Variants in PLEKHD1 observed in about 807,000 individuals in gnomAD.
PLEKHD1 encodes the protein pleckstrin homology and coiled-coil domain containing D1, also known as pleckstrin homology domain-containing family D member 1.
A neutral mutation model predicts 69.2 loss-of-function variants in PLEKHD1; 51 were observed. The ratio of observed to expected loss-of-function variants is 0.74; its 90% CI spans 0.59 to 0.93. The LOEUF (loss-of-function observed/expected upper bound fraction) is 0.93. PLEKHD1 is among the 40% of genes least tolerant of loss of function. The pLI is 0.00. For missense variants in PLEKHD1, 584 were observed against 641.0 expected (o/e 0.91, Z 0.96); for synonymous variants, 236 against 244.7 (o/e 0.96, Z 0.33).
chr14:69,524,410 A>G (rs1317793288), intron 8 of PLEKHD1, 88 bp downstream of exon 8: 2 of 1,143,800 alleles, frequency 1.7e-6, no homozygotes, highest in African/African-American at 3.1e-5. Flanking sequence ...GTGTTTCCCC[A>G]GGGGGTGATC....
At chr14:69,485,353 T>G (rs898675447) in intron 1 of PLEKHD1, among the ~76,000 whole-genome samples, 4 of 152,156 alleles carry the variant, frequency 2.6e-5, no homozygotes, top group African/African-American at 9.7e-5. Flanking sequence ...AACCTGACCC[T>G]CGAGTGGGAA....
chr14:69,515,825 A>G, intron 6 of PLEKHD1, among the ~76,000 whole-genome samples: 1 of 152,126 alleles, frequency 6.6e-6, no homozygotes, highest in Admixed American at 6.5e-5. Flanking sequence ...TAATCTAACT[A>G]CCTTCCACCA....
At chr14:69,471,632 C>G in the PLEKHD1 span, among the ~76,000 whole-genome samples, 10 of 152,250 alleles carry the variant, frequency 6.6e-5, no homozygotes, top group African/African-American at 2.4e-4. Context: ...CTGGGCATCG[C>G]AGGGGCTGGC....
the PLEKHD1 span, among the ~76,000 whole-genome samples, chr14:69,474,112 A>G: frequency 0.17 from 25,875 of 152,218 alleles, 2,369 homozygotes; most frequent in South Asian, 0.24. Context: ...AAATAAAGGA[A>G]AATCTGAGTT....
chr14:69,480,750 TC>T (rs1321077431), upstream of PLEKHD1, among the ~76,000 whole-genome samples: 1 of 152,110 alleles, frequency 6.6e-6, no homozygotes, highest in East Asian at 1.9e-4. Context: ...CCTCCCAGGC[TC>T]AAGCAAGTCA....
Position 69,524,179 on chromosome 14 carries a change from G to C in PLEKHD1, c.651-50G>C, listed in dbSNP as rs565738579. 6.8e-5 allele frequency: 94 copies of C among 1,391,428 alleles called. No homozygotes were observed. In the African/African-American group the frequency reaches 9.2e-4, roughly 14 times the overall value. The allele number at this position is 1,391,428 out of a possible 1,614,324, so 86.2% of individuals were successfully genotyped here. ...ATTTCTAAGTGCAGAGGTGATTGGT[G>C]GGGGGTGGGGAGAGTGGGCACTGCC... On this transcript the variant is annotated intron_variant, in intron 7 of 12. Transcript: ENST00000322564.
At chr14:69,506,002 A>G (rs1566560203) in intron 6 of PLEKHD1, among the ~76,000 whole-genome samples, 1 of 152,194 alleles carries the variant, frequency 6.6e-6, no homozygotes, top group South Asian at 2.1e-4. Context: ...AAAATCAGAA[A>G]TGCCCAGGGT....
At chr14:69,473,273 C>T in the PLEKHD1 span, among the ~76,000 whole-genome samples, 1 of 152,148 alleles carries the variant, frequency 6.6e-6, no homozygotes. Context: ...CACTGCTCTA[C>T]AGTGTCCAAA....
upstream of PLEKHD1, among the ~76,000 whole-genome samples, chr14:69,481,862 G>A (rs114950052): frequency 1.9e-3 from 290 of 152,278 alleles, no homozygotes; most frequent in African/African-American, 6.5e-3. Flanking sequence ...AAGATTGGGC[G>A]GCCCTGACCC....
chr14:69,489,574 A>AAG (rs1380810999), intron 1 of PLEKHD1, among the ~76,000 whole-genome samples: 1 of 150,368 alleles, frequency 6.7e-6, no homozygotes, highest in Non-Finnish European at 1.5e-5. Context: ...AAAAAAAAAA[A>AAG]AAAAAAAGGA....
intron 1 of PLEKHD1, among the ~76,000 whole-genome samples, chr14:69,486,844 G>T (rs1403405646): frequency 6.6e-6 from 1 of 152,154 alleles, no homozygotes; most frequent in Admixed American, 6.5e-5. Context: ...GGAGTACAGG[G>T]CATAGGCCCC....
chr14:69,474,050 G>A, the PLEKHD1 span, among the ~76,000 whole-genome samples: 9 of 103,966 alleles, frequency 8.7e-5, no homozygotes, highest in Non-Finnish European at 1.2e-4. Context: ...TGAGAGGAGC[G>A]GGGACTCCTC....
chr14:69,484,948 C>T lies in PLEKHD1; in HGVS notation c.-18C>T, dbSNP rs779272883. ...GGGGAGGTGGGGTCCGGGCCGGGCA[C>T]AGCCCCGCTGAGGCAGGATGTTCAC... On this transcript the variant is annotated 5_prime_UTR_variant, in exon 1 of 13. Coordinates refer to ENST00000322564, the MANE Select transcript of PLEKHD1 (RefSeq NM_001161498.2). The T allele has an allele frequency of 9.7e-6, 15 of 1,548,824 alleles. No homozygotes were observed. In the South Asian group the frequency reaches 1.8e-4, roughly 18 times the overall value.
chr14:69,526,052 C>T lies in PLEKHD1; in HGVS notation c.853C>T (p.His285Tyr). The change falls in exon 9 of 13, where the codon CAT (histidine) becomes TAT (tyrosine). Residue 285 changes from histidine to tyrosine, a missense_variant. By Grantham distance (83) the His-to-Tyr change is moderately conservative (BLOSUM62 2). Coordinates refer to ENST00000322564, the MANE Select transcript of PLEKHD1 (RefSeq NM_001161498.2). ...GCAGCCCCCTCCCAGTGGGGGCCTC[C>T]ATAGCAACCTCCGGCAGATCGAGGA... ...SEQPPPSGGL[H>Y]SNLRQIEEKM... The T allele has an allele frequency of 6.4e-7, 1 of 1,551,676 alleles. No homozygotes were observed. Among genetic ancestry groups the T allele is most frequent in the Non-Finnish European group, 8.7e-7 (1 of 1,146,986 alleles).
chr14:69,515,349 G>C (rs1566563112), intron 6 of PLEKHD1, among the ~76,000 whole-genome samples: 2 of 152,134 alleles, frequency 1.3e-5, no homozygotes, highest in African/African-American at 2.4e-5. Flanking sequence ...GGCCCCCCCT[G>C]GAGTTTTAAC....
Position 69,501,769 on chromosome 14 carries a change from T to C in PLEKHD1, c.446T>C (p.Ile149Thr), listed in dbSNP as rs1303827537. 1.3e-6 allele frequency: 2 copies of C among 1,551,550 alleles called. No individual in the cohort carries two copies. Among genetic ancestry groups the C allele is most frequent in the Non-Finnish European group, 8.7e-7 (1 of 1,146,890 alleles). The change falls in exon 5 of 13, where the codon ATC (isoleucine) becomes ACC (threonine). Residue 149 changes from isoleucine to threonine, a missense_variant. Transcript: ENST00000322564. Reference protein sequence around the residue: ...WKNAQLGEAMIKSLEAQGLQL... With the variant: ...WKNAQLGEAMTKSLEAQGLQL... ...AATGCCCAGCTGGGAGAAGCCATGA[T>C]CAAAAGCCTGGAGGCCCAGGGGCTG...
rs1418642941 is a variant in PLEKHD1 at position 69,484,955 on chromosome 14, G to T, written c.-11G>T. 1 of 1,549,750 alleles carries T rather than the reference G, an allele frequency of 6.5e-7. No individual in the cohort carries two copies. Among genetic ancestry groups the T allele is most frequent in the African/African-American group, 1.4e-5 (1 of 73,020 alleles). Reference sequence around the variant, plus strand: ...TGGGGTCCGGGCCGGGCACAGCCCCGCTGAGGCAGGATGTTCACGTCCAAG... The same window carrying T: ...TGGGGTCCGGGCCGGGCACAGCCCCTCTGAGGCAGGATGTTCACGTCCAAG... On this transcript the variant is annotated 5_prime_UTR_variant, in exon 1 of 13. Transcript: ENST00000322564.
At chr14:69,498,708 C>T (rs149941250) in intron 1 of PLEKHD1, among the ~76,000 whole-genome samples, 5 of 149,950 alleles carry the variant, frequency 3.3e-5, no homozygotes, top group Admixed American at 6.8e-5. Flanking sequence ...AGTGCAGTGG[C>T]GTGATCTTGG....
intron 1 of PLEKHD1, among the ~76,000 whole-genome samples, chr14:69,487,857 A>G (rs185079927): frequency 6.6e-6 from 1 of 152,308 alleles, no homozygotes; most frequent in Non-Finnish European, 1.5e-5. Flanking sequence ...TCTCAGCCTC[A>G]GCCAGTGTCA....
Sources: allele counts gnomAD v4.1 joint callset (sites outside exome capture counted in the v4.1 genomes callset), GRCh38; gene constraint gnomAD v4.1.1; transcripts MANE v1.5; gene names NCBI Gene and HGNC (gene_info 2026-07-23, HGNC 2026-07-21).